SLC15A3: variants seen among roughly 807,000 people sequenced by gnomAD.
SLC15A3 encodes the protein osteoclast transporter.
SLC15A3 carries 39 observed loss-of-function variants against 49.2 expected under a neutral mutation model. The ratio of observed to expected loss-of-function variants is 0.79; its 90% confidence interval spans 0.61 to 1.04. SLC15A3 has a LOEUF of 1.04. Among genes scored for constraint, SLC15A3 ranks in the 50% least tolerant of loss-of-function variants. The pLI, the probability that SLC15A3 is intolerant of heterozygous loss-of-function variation, is 0.00. For synonymous variants in SLC15A3, 339 were observed against 367.0 expected, an observed-to-expected ratio of 0.92 and a Z score of 0.87; for missense variants, 758 against 794.8, an observed-to-expected ratio of 0.95 and a Z score of 0.56.
At chr11:60,943,648 G>C in intron 3 of SLC15A3, 41 bp downstream of exon 3, 1 of 1,470,052 alleles carries the variant, frequency 6.8e-7, no homozygotes, top group Non-Finnish European at 9.1e-7. Flanking sequence ...GATGGTGAGT[G>C]GGGAGCCAGG....
At chr11:60,940,920 G>A in intron 5 of SLC15A3, 1 of 474,478 alleles carries the variant, frequency 2.1e-6, no homozygotes, top group Non-Finnish European at 3.6e-6. Context: ...CTCTCGGCCT[G>A]AGTTTCTTCT....
intron 2 of SLC15A3, 87 bp from the exon 3 acceptor site, chr11:60,943,923 T>G: frequency 1.6e-6 from 2 of 1,280,060 alleles, no homozygotes; most frequent in Non-Finnish European, 2.0e-6. Context: ...TTTGGGAGGC[T>G]GAGGCGGGTG....
chr11:60,937,179 G>C lies in SLC15A3; in HGVS notation c.*40C>G. The C allele has an allele frequency of 6.3e-7, 1 of 1,598,406 alleles. No homozygotes were observed. The highest frequency in any genetic ancestry group is 8.6e-7 in the Non-Finnish European group (1 of 1,169,454). Reference sequence around the variant, plus strand: ...ACCAGAGCTGGGACTGCTGCCGTCTGTCCGGTAGAGTGAAGCAAGGGGGCT... The same window carrying C: ...ACCAGAGCTGGGACTGCTGCCGTCTCTCCGGTAGAGTGAAGCAAGGGGGCT... On this transcript the variant is annotated 3_prime_UTR_variant, in exon 8 of 8. Coordinates refer to ENST00000227880, the MANE Select transcript of SLC15A3 (RefSeq NM_016582.3).
intron 1 of SLC15A3, among the ~76,000 whole-genome samples, chr11:60,947,475 G>A (rs75862770): frequency 0.043 from 6,604 of 152,238 alleles, 188 homozygotes; most frequent in Middle Eastern, 0.071. Flanking sequence ...CATCGCGCCC[G>A]GCCTATTCAT....
rs960378657 is a variant in SLC15A3 at position 60,937,920 on chromosome 11, A to G, written c.1541T>C (p.Val514Ala). 1.2e-6 allele frequency: 2 copies of G among 1,614,070 alleles called. No homozygotes were observed. Among genetic ancestry groups the G allele is most frequent in the African/African-American group, 2.7e-5 (2 of 74,954 alleles). ...GVGSLLGSSL[V>A]ALLSLPGGWL... ...GCCCCCGGGCAAGGACAGCAGTGCC[A>G]CTAGGCTGGAGCCCAACAGTGAGCC... The change falls in exon 7 of 8, where the codon GTG becomes GCG. Residue 514 changes from valine to alanine, a missense_variant. Coordinates refer to ENST00000227880, the MANE Select transcript of SLC15A3 (RefSeq NM_016582.3).
chr11:60,939,754 C>T, intron 5 of SLC15A3, 116 bp from the exon 6 acceptor site: 4 of 1,251,872 alleles, frequency 3.2e-6, no homozygotes, highest in Non-Finnish European at 4.4e-6. Flanking sequence ...GATTGAGCAG[C>T]AGGCAAGGAA....
chr11:60,945,431 G>A (rs992764524), intron 2 of SLC15A3, among the ~76,000 whole-genome samples: 1 of 152,182 alleles, frequency 6.6e-6, no homozygotes, highest in African/African-American at 2.4e-5. Context: ...CTCAGAACTG[G>A]GAGAGGAGAT....
chr11:60,950,538 A>G (rs986221481), intron 1 of SLC15A3, among the ~76,000 whole-genome samples: 1 of 152,178 alleles, frequency 6.6e-6, no homozygotes, highest in Non-Finnish European at 1.5e-5. Flanking sequence ...CTGTAATCCC[A>G]GCACTTTGGG....
chr11:60,950,003 G>A (rs1375294133), intron 1 of SLC15A3, among the ~76,000 whole-genome samples: 1 of 152,190 alleles, frequency 6.6e-6, no homozygotes, highest in Non-Finnish European at 1.5e-5. Context: ...AAATATAGCC[G>A]TGTTGTTGGG....
intron 6 of SLC15A3, among the ~76,000 whole-genome samples, chr11:60,938,896 T>G (rs1856666834): frequency 6.6e-6 from 1 of 152,186 alleles, no homozygotes. Flanking sequence ...TTTCTTTATG[T>G]CTGACCCAGC....
chr11:60,950,473 T>C (rs977563377), intron 1 of SLC15A3, among the ~76,000 whole-genome samples: 1 of 152,180 alleles, frequency 6.6e-6, no homozygotes. Context: ...GTGCTTAGCA[T>C]AGGGCCTGCA....
chr11:60,946,623 T>G lies in SLC15A3; in HGVS notation c.757A>C (p.Thr253Pro). Residue 253 changes from threonine to proline, a missense_variant, in exon 2 of 8, where the codon ACC becomes CCC. Thr to Pro is a conservative substitution (Grantham distance 38, BLOSUM62 -1). Coordinates refer to ENST00000227880, the MANE Select transcript of SLC15A3 (RefSeq NM_016582.3). ...IFLFATPVFITKPPMGSQVSS... is the reference protein window; with the variant it reads ...IFLFATPVFIPKPPMGSQVSS... Reference sequence around the variant, plus strand: ...ACTTGGCTGCCCATCGGGGGCTTGGTGATGAAGACGGGGGTGGCAAAGAGG... The same window carrying G: ...ACTTGGCTGCCCATCGGGGGCTTGGGGATGAAGACGGGGGTGGCAAAGAGG... 6.2e-7 allele frequency: 1 copy of G among 1,613,704 alleles called. No homozygotes were observed. The highest frequency in any genetic ancestry group is 8.5e-7 in the Non-Finnish European group (1 of 1,179,804).
Position 60,946,795 on chromosome 11 carries a change from G to A in SLC15A3, c.585C>T (p.Thr195=), listed in dbSNP as rs541552550. 3.1e-6 allele frequency: 5 copies of A among 1,612,914 alleles called. No homozygotes were observed. In the South Asian group the frequency reaches 3.3e-5, roughly 11 times the overall value. ...AGTAAAACCAGTTGAAGAAGCGGCG[G>A]GTGGCGTCGCGGCCGAGATCCATCA... The part of the protein sequence containing the change: ...DQVMDLGRDA[T]RRFFNWFYWS... The change falls in exon 2 of 8, where the codon ACC becomes ACT. Residue 195 remains threonine, a synonymous_variant. Coordinates refer to ENST00000227880, the MANE Select transcript of SLC15A3 (RefSeq NM_016582.3).
chr11:60,946,734 C>G lies in SLC15A3; in HGVS notation c.646G>C (p.Val216Leu). Residue 216 changes from valine (V) to leucine (L), a missense_variant, in exon 2 of 8, where the codon GTG (valine) becomes CTG (leucine). By Grantham distance (32) the Val-to-Leu change is conservative. This residue lies in a region of SLC15A3 where 699 missense variants were observed against 706.7 expected (regional missense o/e 0.99). Transcript: ENST00000227880. Reference sequence around the variant, plus strand: ...ATGTTCTGCTGAATAAACGCCACCACCAGCAGCGACAGCACAGCACCCAGG... The same window carrying G: ...ATGTTCTGCTGAATAAACGCCACCAGCAGCAGCGACAGCACAGCACCCAGG... ...INLGAVLSLL[V>L]VAFIQQNISF... 1 of 1,614,224 alleles carries G rather than the reference C, an allele frequency of 6.2e-7. No homozygotes were observed.
At chr11:60,945,397 G>T (rs1856786735) in intron 2 of SLC15A3, among the ~76,000 whole-genome samples, 1 of 152,198 alleles carries the variant, frequency 6.6e-6, no homozygotes, top group Admixed American at 6.5e-5. Flanking sequence ...ACGAGAAGCA[G>T]AACGGCCCGA....
chr11:60,938,054 G>A, intron 6 of SLC15A3, 29 bp from the exon 7 acceptor site: 1 of 1,609,730 alleles, frequency 6.2e-7, no homozygotes, highest in Non-Finnish European at 8.5e-7. Flanking sequence ...GACGATCTCA[G>A]GGGCTGGTGC....
At chr11:60,941,832 G>T (rs1856713518) in intron 4 of SLC15A3, 3 of 570,292 alleles carry the variant, frequency 5.3e-6, no homozygotes, top group Non-Finnish European at 6.3e-6. Flanking sequence ...CAGCTGGCCT[G>T]AATTCCTTCA....
At position 60,941,922 on chromosome 11, in the gene SLC15A3, G is replaced by A. The variant is rs975743786; in HGVS notation, c.1107+113C>T. Reference sequence around the variant, plus strand: ...TCCAGGTGCTTTTCCTGTATCCTGAGGTTGCCTTGCAGGCAGGAAAGGGGA... The same window carrying A: ...TCCAGGTGCTTTTCCTGTATCCTGAAGTTGCCTTGCAGGCAGGAAAGGGGA... On this transcript the variant is annotated intron_variant, in intron 4 of 7. Transcript: ENST00000227880. The A allele has an allele frequency of 4.9e-6, 5 of 1,022,208 alleles. No homozygotes were observed. In the African/African-American group the frequency reaches 7.9e-5, roughly 16 times the overall value. The allele number at this position is 1,022,208 out of a possible 1,614,324, so 63.3% of individuals were successfully genotyped here.
intron 7 of SLC15A3, chr11:60,937,631 A>C (rs535299668): frequency 1.5e-5 from 10 of 682,920 alleles, no homozygotes; most frequent in Non-Finnish European, 9.9e-6. Flanking sequence ...CAGAGATGGC[A>C]GAGTTCCAGA....
Sources: gnomAD v4.1 joint callset for allele counts (sites outside exome capture counted in the v4.1 genomes callset) on GRCh38, gnomAD v4.1.1 for gene constraint, gnomAD v4.1.1 regional missense constraint, MANE v1.5 for transcripts, NCBI Gene and HGNC (gene_info 2026-07-23, HGNC 2026-07-21) for gene names.